Variants in NDUFAF6 observed in about 807,000 individuals in gnomAD.
NDUFAF6 encodes the protein NADH dehydrogenase (ubiquinone) complex I, assembly factor 6.
NDUFAF6 carries 45 observed loss-of-function variants against 40.8 expected under a neutral mutation model. That is an observed-to-expected ratio of 1.10 (90% CI 0.87 to 1.42). The LOEUF is 1.42. Among genes scored for constraint, NDUFAF6 ranks in the 40% most tolerant of loss-of-function variants. NDUFAF6 has a pLI of 0.00. For missense variants in NDUFAF6, 435 were observed against 418.5 expected (o/e 1.04, Z -0.34); for synonymous variants, 185 against 155.9 (o/e 1.19, Z -1.39).
chr8:94,992,506 A>C (rs1461280432), intron 2 of NDUFAF6, among the ~76,000 whole-genome samples: 3 of 152,164 alleles, frequency 2.0e-5, no homozygotes, highest in Non-Finnish European at 2.9e-5. Context: ...AAAAAATGAC[A>C]TGTTAAAAAA....
At chr8:94,980,915 G>A (rs918208176) in exon 2 of NDUFAF6, 21 of 456,454 alleles carry the variant, frequency 4.6e-5, no homozygotes, top group African/African-American at 8.0e-5. Flanking sequence ...CAAGAGGAAC[G>A]GCACATGACC....
At chr8:95,057,610 G>A (rs1248786345) in intron 8 of NDUFAF6, among the ~76,000 whole-genome samples, 199 bp from the exon 9 acceptor site, 1 of 152,080 alleles carries the variant, frequency 6.6e-6, no homozygotes, top group Non-Finnish European at 1.5e-5. Flanking sequence ...TACTAGCTCT[G>A]TGATACCCTT....
At chr8:95,025,357 G>C in intron 1 of NDUFAF6, 152 bp downstream of exon 1, 1 of 758,530 alleles carries the variant, frequency 1.3e-6, no homozygotes, top group Non-Finnish European at 1.9e-6. Context: ...TCGGGTGCGG[G>C]TGTGCGGAGG....
At chr8:95,062,956 G>C (rs962520267), downstream of NDUFAF6, among the ~76,000 whole-genome samples, 7 of 152,204 alleles carry the variant, frequency 4.6e-5, no homozygotes, top group African/African-American at 1.7e-4. Context: ...GATGGAACTG[G>C]AAGAGTCTGT....
Position 95,052,086 on chromosome 8 carries a change from A to G in NDUFAF6, c.817-88A>G, listed in dbSNP as rs553548893. Reference sequence around the variant, plus strand: ...TCTTGCATTTGAGAGAGGCCCTATCAGTATTGTTAAACTGCTGGTGTTGCT... The same window carrying G: ...TCTTGCATTTGAGAGAGGCCCTATCGGTATTGTTAAACTGCTGGTGTTGCT... On this transcript the variant is annotated intron_variant, in intron 7 of 8. Coordinates refer to ENST00000396124, the MANE Select transcript of NDUFAF6 (RefSeq NM_152416.4). 3.4e-6 allele frequency: 4 copies of G among 1,182,864 alleles called. No individual in the cohort carries two copies. In the South Asian group the frequency reaches 4.9e-5, roughly 14 times the overall value. 73.3% of individuals were successfully genotyped at this position (1,182,864 alleles called of 1,614,324 possible). A position where few individuals can be genotyped will look rare whatever the true frequency, so the allele number is the denominator to read the frequency against.
At chr8:94,953,358 AAAC>A (rs1380306393), upstream of NDUFAF6, among the ~76,000 whole-genome samples, 26 of 152,192 alleles carry the variant, frequency 1.7e-4, no homozygotes, top group African/African-American at 6.3e-4. Context: ...AGAAAAAAAA[AAAC>A]AAAAAAAAAA....
chr8:95,043,524 TAC>T (rs1331944751), intron 4 of NDUFAF6, among the ~76,000 whole-genome samples: 1 of 151,930 alleles, frequency 6.6e-6, no homozygotes, highest in African/African-American at 2.4e-5. Flanking sequence ...AAGAAACTCT[TAC>T]AACTCAAGAA....
chr8:94,952,450 G>C (rs1482254236), intron 2 of NDUFAF6, among the ~76,000 whole-genome samples: 1 of 152,222 alleles, frequency 6.6e-6, no homozygotes, highest in Non-Finnish European at 1.5e-5. Context: ...GATCTGCTGG[G>C]CTTCTACCAT....
At chr8:94,938,175 C>G (rs896850) in intron 1 of NDUFAF6, among the ~76,000 whole-genome samples, 93,042 of 152,010 alleles carry the variant, frequency 0.61, 29,715 homozygotes, top group East Asian at 0.79. Flanking sequence ...ACCATTTCTG[C>G]TTTTGGAAAC....
At chr8:94,988,880 A>G (rs1032897848) in intron 2 of NDUFAF6, 1 of 152,270 alleles carries the variant, frequency 6.6e-6, no homozygotes, top group African/African-American at 2.4e-5. Flanking sequence ...GACATGTGCT[A>G]TAATGTGGAT....
chr8:94,949,024 G>A (rs1161683802), intron 2 of NDUFAF6: 1 of 148,836 alleles, frequency 6.7e-6, no homozygotes, highest in Non-Finnish European at 1.5e-5. Flanking sequence ...CTCGGTGAAC[G>A]CGCAACCGGC....
intron 4 of NDUFAF6, chr8:95,044,454 T>TTC (rs1554675307): frequency 2.1e-5 from 3 of 142,604 alleles, no homozygotes; most frequent in African/African-American, 8.4e-5. Flanking sequence ...TCATTTTCTT[T>TTC]TTTTTTTTTT....
At chr8:95,023,614 G>A (rs1827789733), upstream of NDUFAF6, among the ~76,000 whole-genome samples, 2 of 152,210 alleles carry the variant, frequency 1.3e-5, no homozygotes, top group South Asian at 4.1e-4. Context: ...AGGGATTCAA[G>A]TGTAGGCAGC....
chr8:94,898,326 C>A (rs929667294), intron 1 of NDUFAF6, among the ~76,000 whole-genome samples: 25 of 152,176 alleles, frequency 1.6e-4, no homozygotes, highest in African/African-American at 5.8e-4. Context: ...GATGTCATGT[C>A]TTAGGTTCCT....
intron 8 of NDUFAF6, among the ~76,000 whole-genome samples, chr8:95,052,696 T>G (rs1418005725): frequency 6.6e-6 from 1 of 152,200 alleles, no homozygotes; most frequent in Non-Finnish European, 1.5e-5. Flanking sequence ...ACTGCTGAGC[T>G]GGTTGCAGTG....
intron 1 of NDUFAF6, among the ~76,000 whole-genome samples, chr8:94,918,440 A>G (rs1428635576): frequency 6.6e-6 from 1 of 152,168 alleles, no homozygotes; most frequent in Middle Eastern, 3.2e-3. Flanking sequence ...ATCACAGACA[A>G]TCCTGGTCAG....
downstream of NDUFAF6, among the ~76,000 whole-genome samples, chr8:95,076,717 T>C (rs1808634139): frequency 6.6e-6 from 1 of 152,002 alleles, no homozygotes. Context: ...CTACTAAAAA[T>C]ACAAAATTAG....
intron 2 of NDUFAF6, among the ~76,000 whole-genome samples, chr8:95,017,225 G>A (rs1827498833): frequency 6.6e-6 from 1 of 151,250 alleles, no homozygotes; most frequent in African/African-American, 2.4e-5. Flanking sequence ...ACAGGCATGA[G>A]CCACCACGCC....
In NDUFAF6 at chr8:95,041,728, G is replaced by C. The variant is rs1240896396; in HGVS notation, c.477+102G>C. ...TTTGACTGTATATTAATATTTTGGA[G>C]GAAGGAAACTTTTAGAGAATTATGC... On this transcript the variant is annotated intron_variant, in intron 4 of 8. Coordinates refer to ENST00000396124, the MANE Select transcript of NDUFAF6 (RefSeq NM_152416.4). The C allele has an allele frequency of 6.0e-6, 6 of 1,001,296 alleles. No homozygotes were observed. In the African/African-American group the frequency reaches 6.3e-5, roughly 11 times the overall value. 62.0% of individuals were successfully genotyped at this position (1,001,296 alleles called of 1,614,324 possible).
Sources: gnomAD v4.1 joint callset for allele counts (sites outside exome capture counted in the v4.1 genomes callset) on GRCh38, gnomAD v4.1.1 for gene constraint, MANE v1.5 for transcripts, NCBI Gene and HGNC (gene_info 2026-07-23, HGNC 2026-07-21) for gene names.